The following NCALD variants were observed in gnomAD, a reference collection of about 807,000 sequenced individuals.
NCALD encodes the protein neurocalcin-delta.
A neutral mutation model predicts 18.6 loss-of-function variants in NCALD; 10 were observed. The ratio of observed to expected loss-of-function variants is 0.54; its 90% confidence interval spans 0.33 to 0.91. The LOEUF (loss-of-function observed/expected upper bound fraction) is 0.91, where lower values mean the gene tolerates loss of function less well. Ranked by LOEUF, NCALD falls within the 40% of genes least tolerant of loss-of-function variation. The pLI is 0.03. For synonymous variants in NCALD, 88 were observed against 87.4 expected (o/e 1.01, Z -0.04); for missense variants, 184 against 247.6 (o/e 0.74, Z 1.72).
At chr8:102,090,307 C>A (rs915794349) in intron 1 of NCALD, among the ~76,000 whole-genome samples, 4 of 152,136 alleles carry the variant, frequency 2.6e-5, no homozygotes, top group African/African-American at 9.7e-5. Context: ...TTAATTGTGG[C>A]TTTAATAGTG....
chr8:101,987,426 T>C (rs992672650), intron 2 of NCALD, among the ~76,000 whole-genome samples: 1 of 152,206 alleles, frequency 6.6e-6, no homozygotes, highest in South Asian at 2.1e-4. Flanking sequence ...CCAACCATTT[T>C]TTCCGAAGGA....
chr8:101,813,946 A>G (rs1813402743), intron 4 of NCALD, among the ~76,000 whole-genome samples: 1 of 152,150 alleles, frequency 6.6e-6, no homozygotes, highest in Non-Finnish European at 1.5e-5. Context: ...TCGGAAAAGT[A>G]TCTCTGGAAA....
chr8:102,075,118 A>T (rs923447422), intron 1 of NCALD, among the ~76,000 whole-genome samples: 1 of 152,238 alleles, frequency 6.6e-6, no homozygotes, highest in Non-Finnish European at 1.5e-5. Flanking sequence ...ACACTGAGAA[A>T]CTGAATATTT....
chr8:101,919,212 C>A (rs1818076812), intron 2 of NCALD, among the ~76,000 whole-genome samples: 1 of 152,070 alleles, frequency 6.6e-6, no homozygotes, highest in African/African-American at 2.4e-5. Flanking sequence ...ATAGAGAACA[C>A]AGAAATAAAG....
At chr8:101,986,100 G>A (rs1471091016) in intron 2 of NCALD, among the ~76,000 whole-genome samples, 1 of 151,888 alleles carries the variant, frequency 6.6e-6, no homozygotes, top group Non-Finnish European at 1.5e-5. Context: ...GCGCGATCTT[G>A]GCTCACTGCA....
At chr8:101,976,361 T>C (rs1866690) in intron 2 of NCALD, among the ~76,000 whole-genome samples, 60,459 of 151,966 alleles carry the variant, frequency 0.4, 12,227 homozygotes, top group South Asian at 0.45. Flanking sequence ...GGACCTGGGA[T>C]TGGGGACCCC....
chr8:101,937,998 T>C (rs1321481053), intron 2 of NCALD, among the ~76,000 whole-genome samples: 2 of 152,208 alleles, frequency 1.3e-5, no homozygotes, highest in Non-Finnish European at 2.9e-5. Flanking sequence ...TTAGGAAAGA[T>C]GTTTCTGAAA....
rs1163205617 is a variant in NCALD, at chr8:102,071,082, T to C, written c.-209-50793A>G. Among the ~76,000 whole-genome samples the C allele has an allele frequency of 1.3e-5, 2 of 152,140 alleles. 1 individual carries two copies. The highest frequency in any genetic ancestry group is 2.9e-5 in the Non-Finnish European group (2 of 68,030). ...TCAGGGATCCATCTGCTCTGTGCTA[T>C]CCTGGGGAGAAGCAGTTACTGCTAT... On this transcript the variant is annotated intron_variant, in intron 1 of 6. Transcript: ENST00000311028.
At chr8:101,733,884 C>A (rs1344243219) in intron 1 of NCALD, among the ~76,000 whole-genome samples, 1 of 152,162 alleles carries the variant, frequency 6.6e-6, no homozygotes, top group Non-Finnish European at 1.5e-5. Context: ...AAGCAAAGAC[C>A]CATTAGAGAA....
intron 1 of NCALD, among the ~76,000 whole-genome samples, chr8:101,748,726 G>A (rs141390757): frequency 3.3e-5 from 5 of 152,302 alleles, no homozygotes; most frequent in African/African-American, 7.2e-5. Flanking sequence ...AGTGAGTTAT[G>A]CAAGATGACA....
intron 3 of NCALD, among the ~76,000 whole-genome samples, chr8:101,889,458 T>C (rs779236731): frequency 9.9e-5 from 15 of 152,202 alleles, no homozygotes; most frequent in Non-Finnish European, 2.1e-4. Context: ...ATAAATTGCA[T>C]TGCCTCTTTA....
At chr8:101,943,922 C>T (rs760301659) in intron 2 of NCALD, among the ~76,000 whole-genome samples, 5 of 151,484 alleles carry the variant, frequency 3.3e-5, no homozygotes, top group African/African-American at 7.3e-5. Flanking sequence ...GCCTGGGCAA[C>T]AGAGGGAGTC....
At chr8:101,753,557 G>T (rs1446383455) in intron 1 of NCALD, among the ~76,000 whole-genome samples, 5 of 152,150 alleles carry the variant, frequency 3.3e-5, no homozygotes, top group Admixed American at 1.3e-4. Context: ...TTAGCGTAAG[G>T]CAGTTACAAT....
chr8:101,971,611 G>A lies in NCALD; in HGVS notation c.-157+48626C>T, dbSNP rs534266527. On this transcript the variant is annotated intron_variant, in intron 2 of 6. Coordinates refer to the NCALD transcript ENST00000311028. ...GAGGCCTCCCTGGCAACGTGGAACT[G>A]TGAGTCAATTAAACCTCTTTCCTTT... Among the ~76,000 whole-genome samples, 7 of 152,142 alleles carry A rather than the reference G, an allele frequency of 4.6e-5. No homozygotes were observed. The East Asian group carries it at 1.4e-3, about 29-fold the overall frequency.
At chr8:101,889,175 C>T (rs565540089) in intron 3 of NCALD, among the ~76,000 whole-genome samples, 18 of 152,220 alleles carry the variant, frequency 1.2e-4, no homozygotes, top group Non-Finnish European at 2.2e-4. Context: ...TTATCTCTTG[C>T]AGTCATGAAG....
At chr8:101,788,243 T>A (rs1451193364) in intron 1 of NCALD, among the ~76,000 whole-genome samples, 1 of 152,160 alleles carries the variant, frequency 6.6e-6, no homozygotes, top group South Asian at 2.1e-4. Flanking sequence ...AACGTACATA[T>A]CAATTGACTC....
chr8:101,845,126 CGAA>C (rs1814812695), intron 4 of NCALD, among the ~76,000 whole-genome samples: 1 of 152,178 alleles, frequency 6.6e-6, no homozygotes, highest in Admixed American at 6.5e-5. Context: ...CAGTGCCACT[CGAA>C]GGAGTCAGTC....
chr8:101,972,916 G>A (rs1423586374), intron 2 of NCALD, among the ~76,000 whole-genome samples: 1 of 152,166 alleles, frequency 6.6e-6, no homozygotes, highest in East Asian at 1.9e-4. Flanking sequence ...TTCATTTGCA[G>A]TGGGAAGAGA....
At chr8:101,745,141 A>G (rs1386150549) in intron 1 of NCALD, among the ~76,000 whole-genome samples, 1 of 152,072 alleles carries the variant, frequency 6.6e-6, no homozygotes, top group East Asian at 1.9e-4. Flanking sequence ...ATTGCAGAAA[A>G]AAGAAAATCC....
Sources: allele counts gnomAD v4.1 joint callset (sites outside exome capture counted in the v4.1 genomes callset), GRCh38; gene constraint gnomAD v4.1.1; transcripts MANE v1.5; gene names NCBI Gene and HGNC (gene_info 2026-07-23, HGNC 2026-07-21).